Variants in BRPF3 observed in about 807,000 individuals in gnomAD.
BRPF3 encodes bromodomain and PHD finger containing 3, also known as bromodomain and PHD finger-containing protein 3.
BRPF3 carries 18 observed loss-of-function variants against 102.0 expected under a neutral mutation model. The observed-to-expected ratio is 0.18, with a 90% CI of 0.12 to 0.26. The LOEUF (loss-of-function observed/expected upper bound fraction) is 0.26, where lower values mean the gene tolerates loss of function less well. Among genes scored for constraint, BRPF3 ranks in the 10% least tolerant of loss-of-function variants. The pLI is 1.00. For synonymous variants in BRPF3, 570 were observed against 614.2 expected, an observed-to-expected ratio of 0.93 and a Z score of 1.06; for missense variants, 1,147 against 1,567.8, an observed-to-expected ratio of 0.73 and a Z score of 4.53.
chr6:36,222,305 C>A, intron 10 of BRPF3, 40 bp downstream of exon 10: 1 of 1,531,004 alleles, frequency 6.5e-7, no homozygotes, highest in Non-Finnish European at 8.8e-7. Context: ...GGGGCCAGGC[C>A]TTCTGAGGAG....
At chr6:36,207,254 C>T (rs757072319) in intron 3 of BRPF3, 59 bp from the exon 4 acceptor site, 12 of 1,587,334 alleles carry the variant, frequency 7.6e-6, no homozygotes, top group Non-Finnish European at 1.0e-5. Flanking sequence ...GAGGCTTGAA[C>T]AGGGAGAGGA....
intron 8 of BRPF3, among the ~76,000 whole-genome samples, chr6:36,216,303 GC>G (rs1458109036): frequency 1.3e-5 from 2 of 152,188 alleles, no homozygotes; most frequent in African/African-American, 4.8e-5. Flanking sequence ...GCCATACAGT[GC>G]TGAGAACACT....
Position 36,199,548 on chromosome 6 carries a change from C to T in BRPF3, c.-26-749C>T, listed in dbSNP as rs75855803. Among the ~76,000 whole-genome samples, 37 of 152,298 alleles carry T rather than the reference C, an allele frequency of 2.4e-4. No homozygotes were observed. In the East Asian group the frequency reaches 6.9e-3, roughly 29 times the overall value. On this transcript the variant is annotated intron_variant, in intron 1 of 12. Coordinates refer to ENST00000357641, the MANE Select transcript of BRPF3 (RefSeq NM_015695.3). ...AGGGTCAAGGAGTAGGGTTTCTGATCGTGGTAAGAGGTATTGGGAGAAGAC... is the reference window on the plus strand; with the variant it reads ...AGGGTCAAGGAGTAGGGTTTCTGATTGTGGTAAGAGGTATTGGGAGAAGAC...
intron 4 of BRPF3, 99 bp downstream of exon 4, chr6:36,207,543 G>T: frequency 6.8e-7 from 1 of 1,461,182 alleles, no homozygotes; most frequent in African/African-American, 1.4e-5. Flanking sequence ...CCTTATGCTA[G>T]GTTTCTTTCT....
At position 36,211,558 on chromosome 6, in the gene BRPF3, G is replaced by A; in HGVS notation, c.2480G>A (p.Arg827Lys). Residue 827 changes from arginine to lysine, a missense_variant and splice_region_variant, in exon 7 of 13, where the codon AGA becomes AAA. By Grantham distance (26) the Arg-to-Lys change is conservative (BLOSUM62 2). Transcript: ENST00000357641. ...LQEEPEDDGDRDDSKLPPPPT... is the reference protein window; with the variant it reads ...LQEEPEDDGDKDDSKLPPPPT... Reference sequence around the variant, plus strand: ...GAGGAGCCAGAAGACGATGGGGACAGAGGTGAGAGATAGTCACAGGCAGGC... The same window carrying A: ...GAGGAGCCAGAAGACGATGGGGACAAAGGTGAGAGATAGTCACAGGCAGGC... 1 of 1,551,660 alleles carries A rather than the reference G, an allele frequency of 6.4e-7. No individual in the cohort carries two copies. Among genetic ancestry groups the A allele is most frequent in the Admixed American group, 2.0e-5 (1 of 51,048 alleles).
intron 1 of BRPF3, among the ~76,000 whole-genome samples, chr6:36,198,822 G>T (rs140061026): frequency 9.9e-4 from 151 of 152,274 alleles, no homozygotes; most frequent in African/African-American, 3.5e-3. Context: ...GCCTACCGCA[G>T]CTCCTTATGA....
chr6:36,209,986 G>T, intron 5 of BRPF3, 71 bp downstream of exon 5: 1 of 1,586,010 alleles, frequency 6.3e-7, no homozygotes, highest in Non-Finnish European at 8.6e-7. Context: ...GGCTAGGAAG[G>T]AGTTGGGCCA....
At position 36,204,531 on chromosome 6, in the gene BRPF3, A is replaced by G. The variant is rs753543697; in HGVS notation, c.1449-127A>G. The G allele has an allele frequency of 8.6e-6, 9 of 1,041,184 alleles. No individual in the cohort carries two copies. In the African/African-American group the frequency reaches 1.3e-4, roughly 15 times the overall value. 64.5% of individuals were successfully genotyped at this position (1,041,184 alleles called of 1,614,324 possible). A position where few individuals can be genotyped will look rare whatever the true frequency, so the allele number is the denominator to read the frequency against. On this transcript the variant is annotated intron_variant, in intron 2 of 12. Transcript: ENST00000357641. ...TTCAAGCCTTTCTCTGAGGTGAGGT[A>G]TTTGGCCATTTTATTCTGTCTTCCT...
At chr6:36,207,526 G>C in intron 4 of BRPF3, 82 bp downstream of exon 4, 1 of 1,523,648 alleles carries the variant, frequency 6.6e-7, no homozygotes, top group Non-Finnish European at 8.8e-7. Flanking sequence ...AAATCTGGGA[G>C]CCCCTGCCTT....
At chr6:36,211,910 T>G (rs1481283632) in intron 7 of BRPF3, among the ~76,000 whole-genome samples, 1 of 152,202 alleles carries the variant, frequency 6.6e-6, no homozygotes, top group African/African-American at 2.4e-5. Flanking sequence ...ATTTTGCACC[T>G]GATACAGCCG....
chr6:36,204,368 G>C (rs1325865746), intron 2 of BRPF3: 1 of 420,446 alleles, frequency 2.4e-6, no homozygotes, highest in African/African-American at 2.0e-5. Flanking sequence ...TCCGTACGTG[G>C]AACAAGGAAG....
intron 11 of BRPF3, 112 bp downstream of exon 11, chr6:36,225,476 G>GT: frequency 2.1e-6 from 2 of 962,932 alleles, no homozygotes; most frequent in Non-Finnish European, 3.1e-6. Context: ...TTTAGCTGTA[G>GT]AGGGGAGGGG....
chr6:36,200,984 A>G lies in BRPF3; in HGVS notation c.662A>G (p.Asp221Gly), dbSNP rs1767677207. The change falls in exon 2 of 13, where the codon GAT (aspartate) becomes GGT (glycine). Residue 221 changes from aspartate (D) to glycine (G), a missense_variant. Transcript: ENST00000357641. This position sits in a 1 kb window ranked among gnomAD's most constrained non-coding sequence, Gnocchi z 5.3. ...GCTTTCTGCTGTGTGTGCCTGGATG[A>G]TGAATGTCACAATAGCAATGTTATT... is the stretch of plus-strand genomic sequence containing the variant. ...EDAFCCVCLD[D>G]ECHNSNVILF... 1.2e-6 allele frequency: 2 copies of G among 1,614,094 alleles called. No individual in the cohort carries two copies. The highest frequency in any genetic ancestry group is 1.3e-5 in the African/African-American group (1 of 74,930).
chr6:36,222,851 A>G (rs562498431), intron 10 of BRPF3, among the ~76,000 whole-genome samples: 1 of 151,780 alleles, frequency 6.6e-6, no homozygotes, highest in Non-Finnish European at 1.5e-5. Flanking sequence ...AACCTTATGC[A>G]TAGATAATTT....
chr6:36,210,247 C>T lies in BRPF3; in HGVS notation c.1898C>T (p.Pro633Leu). ...GATTACCTGGAATTCATATCCAAGC[C>T]AATGGATTTTTCTACTATGAGGCGG... ...VPDYLEFISK[P>L]MDFSTMRRKL... The change falls in exon 6 of 13, where the codon CCA becomes CTA. Residue 633 changes from proline (P) to leucine (L), a missense_variant. Pro to Leu is a moderately conservative substitution (Grantham distance 98). Transcript: ENST00000357641. The surrounding 1 kb of genome is among the most constrained non-coding windows in gnomAD (Gnocchi z 4.7). The T allele has an allele frequency of 6.2e-7, 1 of 1,614,180 alleles. No individual in the cohort carries two copies. Among genetic ancestry groups the T allele is most frequent in the South Asian group, 1.1e-5 (1 of 91,086 alleles).
chr6:36,214,453 A>G (rs1253794946), intron 8 of BRPF3, 67 bp downstream of exon 8: 1 of 1,483,012 alleles, frequency 6.7e-7, no homozygotes, highest in East Asian at 2.3e-5. Flanking sequence ...GCCAACCAGC[A>G]CCTTCCCCAA....
chr6:36,200,669 A>C lies in BRPF3; in HGVS notation c.347A>C (p.Gln116Pro). The stretch of plus-strand genomic sequence containing the variant: ...TCTGGTACTTCCTTCCACCTCCCAC[A>C]GCCCAGCTTCCGTATGGTGGACTCA... ...HASGTSFHLP[Q>P]PSFRMVDSGI... The change falls in exon 2 of 13, where the codon CAG becomes CCG. Residue 116 changes from glutamine (Q) to proline (P), a missense_variant. Coordinates refer to ENST00000357641, the MANE Select transcript of BRPF3 (RefSeq NM_015695.3). This position sits in a 1 kb window ranked among gnomAD's most constrained non-coding sequence, Gnocchi z 5.3. 1 of 1,614,152 alleles carries C rather than the reference A, an allele frequency of 6.2e-7. No homozygotes were observed. The highest frequency in any genetic ancestry group is 8.5e-7 in the Non-Finnish European group (1 of 1,180,026).
intron 9 of BRPF3, among the ~76,000 whole-genome samples, chr6:36,221,789 G>A (rs995885772): frequency 1.3e-5 from 2 of 152,210 alleles, no homozygotes; most frequent in African/African-American, 4.8e-5. Context: ...GAAAAGCGAT[G>A]TGAACCAGAG....
rs1375755471 is a variant in BRPF3, at chr6:36,200,647, G to A, written c.325G>A (p.Gly109Ser). 1 of 1,614,072 alleles carries A rather than the reference G, an allele frequency of 6.2e-7. No homozygotes were observed. The highest frequency in any genetic ancestry group is 2.2e-5 in the East Asian group (1 of 44,892). The change falls in exon 2 of 13, where the codon GGT (glycine) becomes AGT (serine). Residue 109 changes from glycine to serine, a missense_variant. Transcript: ENST00000357641. This position sits in a 1 kb window ranked among gnomAD's most constrained non-coding sequence, Gnocchi z 5.3. ...GGAATCCTGCTCCAAGCATGCATCT[G>A]GTACTTCCTTCCACCTCCCACAGCC... The part of the protein sequence containing the change: ...KKESCSKHAS[G>S]TSFHLPQPSF...
Sources: allele counts gnomAD v4.1 joint callset (sites outside exome capture counted in the v4.1 genomes callset), GRCh38; gene constraint gnomAD v4.1.1; non-coding constraint Gnocchi (gnomAD v3.1); transcripts MANE v1.5; gene names NCBI Gene and HGNC (gene_info 2026-07-23, HGNC 2026-07-21).